The following GREM2 variants were observed in gnomAD, a reference collection of about 807,000 sequenced individuals.
GREM2 encodes gremlin-2.
GREM2 carries 11 observed loss-of-function variants against 14.2 expected under a neutral mutation model. The ratio of observed to expected loss-of-function variants is 0.78; its 90% CI spans 0.49 to 1.28. The LOEUF is 1.28. GREM2 is among the 50% of genes most tolerant of loss of function. The pLI is 0.00. For missense variants in GREM2, 210 were observed against 218.5 expected (o/e 0.96, Z 0.24); for synonymous variants, 98 against 97.6 (o/e 1.00, Z -0.02).
chr1:240,590,237 C>T (rs903846734), intron 1 of GREM2, among the ~76,000 whole-genome samples: 3 of 152,160 alleles, frequency 2.0e-5, no homozygotes, highest in Non-Finnish European at 2.9e-5. Flanking sequence ...CATTCACATA[C>T]ACTAACATCA....
At chr1:240,513,986 A>T (rs1003886383) in intron 1 of GREM2, among the ~76,000 whole-genome samples, 4 of 151,894 alleles carry the variant, frequency 2.6e-5, no homozygotes, top group Admixed American at 6.6e-5. Context: ...TGGCTCATGC[A>T]TGTAATCCCA....
At chr1:240,544,937 G>GA (rs1678683430) in intron 1 of GREM2, among the ~76,000 whole-genome samples, 1 of 152,160 alleles carries the variant, frequency 6.6e-6, no homozygotes, top group Non-Finnish European at 1.5e-5. Flanking sequence ...TTCACAAAGA[G>GA]AAAAAATAAG....
intron 1 of GREM2, among the ~76,000 whole-genome samples, chr1:240,499,913 GC>G (rs1677528185): frequency 1.3e-5 from 2 of 152,142 alleles, no homozygotes; most frequent in Admixed American, 6.5e-5. Context: ...TACTTTCTGG[GC>G]TTTTACAGAA....
intron 1 of GREM2, among the ~76,000 whole-genome samples, chr1:240,505,012 G>T (rs1677648445): frequency 6.6e-6 from 1 of 152,118 alleles, no homozygotes; most frequent in African/African-American, 2.4e-5. Context: ...GAAGGTGATT[G>T]GATCATGGGG....
chr1:240,599,080 C>A (rs1281307297), intron 1 of GREM2, among the ~76,000 whole-genome samples: 2 of 152,074 alleles, frequency 1.3e-5, no homozygotes, highest in South Asian at 2.1e-4. Context: ...GCCAGCCTGG[C>A]TAACATGGCG....
At chr1:240,592,215 T>A (rs1261397994) in intron 1 of GREM2, among the ~76,000 whole-genome samples, 1 of 152,160 alleles carries the variant, frequency 6.6e-6, no homozygotes, top group Non-Finnish European at 1.5e-5. Flanking sequence ...AATTAGCACA[T>A]CTCATGATTT....
At chr1:240,606,544 A>G (rs189956258) in intron 1 of GREM2, among the ~76,000 whole-genome samples, 18 of 152,318 alleles carry the variant, frequency 1.2e-4, no homozygotes, top group Admixed American at 9.8e-4. Context: ...AAGGTACCTT[A>G]ACTGTCTTCT....
At chr1:240,587,052 G>A (rs939064011) in intron 1 of GREM2, among the ~76,000 whole-genome samples, 39 of 152,076 alleles carry the variant, frequency 2.6e-4, no homozygotes, top group African/African-American at 8.2e-4. Flanking sequence ...TTATTTGATC[G>A]ATCCTGCTCT....
chr1:240,514,231 T>A (rs377736331), intron 1 of GREM2, among the ~76,000 whole-genome samples: 1,057 of 105,286 alleles, frequency 0.01, 12 homozygotes, highest in African/African-American at 0.039. Flanking sequence ...TGGGCAACAA[T>A]AGCGAGATTC....
At chr1:240,544,151 C>CT (rs61269911) in intron 1 of GREM2, among the ~76,000 whole-genome samples, 4,839 of 137,398 alleles carry the variant, frequency 0.035, 296 homozygotes, top group African/African-American at 0.12. Context: ...AGCACTAGGC[C>CT]TTTTTTTTTT....
intron 1 of GREM2, among the ~76,000 whole-genome samples, chr1:240,584,109 A>G (rs1679542784): frequency 6.6e-6 from 1 of 152,082 alleles, no homozygotes; most frequent in African/African-American, 2.4e-5. Context: ...TATTTGGAGA[A>G]AAAAAAAGAA....
intron 1 of GREM2, among the ~76,000 whole-genome samples, chr1:240,529,717 A>C (rs963867282): frequency 1.3e-5 from 2 of 152,186 alleles, no homozygotes; most frequent in East Asian, 3.8e-4. Flanking sequence ...TGAGCATATT[A>C]GTGCTATAAG....
intron 1 of GREM2, among the ~76,000 whole-genome samples, chr1:240,566,292 G>A (rs1187479937): frequency 1.3e-5 from 2 of 152,088 alleles, no homozygotes; most frequent in East Asian, 1.9e-4. Flanking sequence ...CAATACCCAG[G>A]CTAAACCAGA....
rs183296859 is a variant in GREM2 at position 240,513,373 on chromosome 1, G to A, written c.-1-19897C>T. Among the ~76,000 whole-genome samples, 668 of 152,068 alleles carry A rather than the reference G, an allele frequency of 4.4e-3. 1 individual carries two copies. Among genetic ancestry groups the A allele is most frequent in the Admixed American group, 8.3e-3 (127 of 15,276 alleles). On this transcript the variant is annotated intron_variant, in intron 1 of 1. Transcript: ENST00000318160. ...GGGCGGATCGCGAGGTCAAGAGATC[G>A]AGATCAACCTGGCCAACAAGGTGAA...
In GREM2 at chr1:240,555,611, T is replaced by A. The variant is rs12079441; in HGVS notation, c.-2+56273A>T. ...GAAGATCAAAATGAAAATTGTGCAT[T>A]AACTAGTACTGAGTGTTCACACTGG... On this transcript the variant is annotated intron_variant, in intron 1 of 1. Transcript: ENST00000318160. Among the ~76,000 whole-genome samples the A allele has an allele frequency of 9.1e-3, 1,383 of 152,328 alleles. 35 individuals carry two copies. Among genetic ancestry groups the A allele is most frequent in the East Asian group, 0.079 (408 of 5,182 alleles).
rs902010849 is a variant in GREM2 at position 240,584,272 on chromosome 1, A to T, written c.-2+27612T>A. 1.7e-4 allele frequency among the ~76,000 whole-genome samples: 26 copies of T among 152,238 alleles called. 1 individual carries two copies. Among genetic ancestry groups the T allele is most frequent in the African/African-American group, 6.3e-4 (26 of 41,580 alleles). On this transcript the variant is annotated intron_variant, in intron 1 of 1. Transcript: ENST00000318160. The stretch of plus-strand genomic sequence containing the variant: ...CCCTTTGGGAGGCTGAGGCAGGTGG[A>T]TCACCTGAGGTCAGGAGTTTGAGAC...
intron 1 of GREM2, among the ~76,000 whole-genome samples, chr1:240,585,038 G>C (rs941716238): frequency 1.3e-5 from 2 of 152,142 alleles, no homozygotes; most frequent in Admixed American, 6.6e-5. Context: ...TAAAAATGAA[G>C]CTCTTGGTCC....
intron 1 of GREM2, among the ~76,000 whole-genome samples, chr1:240,501,822 G>T (rs1053033759): frequency 3.9e-5 from 6 of 152,112 alleles, no homozygotes; most frequent in African/African-American, 1.4e-4. Flanking sequence ...GCTGTCAGAA[G>T]AATGTGACAC....
At chr1:240,544,170 G>C (rs957609825) in intron 1 of GREM2, among the ~76,000 whole-genome samples, 6 of 129,576 alleles carry the variant, frequency 4.6e-5, no homozygotes, top group South Asian at 4.5e-4. Context: ...TTTTTTTTGA[G>C]ACAGTCTCGC....
Sources: allele counts gnomAD v4.1 joint callset (sites outside exome capture counted in the v4.1 genomes callset), GRCh38; gene constraint gnomAD v4.1.1; transcripts MANE v1.5; gene names NCBI Gene and HGNC (gene_info 2026-07-23, HGNC 2026-07-21).